TRIM14: variants seen among roughly 807,000 people sequenced by gnomAD.
The protein encoded by TRIM14 is tripartite motif-containing protein 14.
In TRIM14, 28 loss-of-function variants were observed where a neutral mutation model predicts 44.5. The ratio of observed to expected loss-of-function variants is 0.63; its 90% CI spans 0.47 to 0.86. The LOEUF is 0.86. TRIM14 is among the 40% of genes least tolerant of loss of function. The pLI, the probability that TRIM14 is intolerant of heterozygous loss-of-function variation, is 0.00. For missense variants in TRIM14, 607 were observed against 611.1 expected (o/e 0.99, Z 0.07); for synonymous variants, 299 against 269.2 (o/e 1.11, Z -1.08).
the TRIM14 span, among the ~76,000 whole-genome samples, chr9:98,049,621 G>A: frequency 6.6e-6 from 1 of 152,138 alleles, no homozygotes; most frequent in Non-Finnish European, 1.5e-5. Context: ...TATAATTAGT[G>A]TATAATGAAC....
the TRIM14 span, among the ~76,000 whole-genome samples, chr9:98,063,139 G>A: frequency 1.3e-5 from 2 of 151,762 alleles, no homozygotes; most frequent in Admixed American, 6.6e-5. Flanking sequence ...TGTTAGCCAG[G>A]CTGATCTCAA....
intron 6 of TRIM14, among the ~76,000 whole-genome samples, chr9:98,077,599 C>T (rs1034023433): frequency 6.6e-6 from 1 of 151,952 alleles, no homozygotes; most frequent in African/African-American, 2.4e-5. Flanking sequence ...ATTACTGTGG[C>T]CCCAGCTACT....
chr9:98,076,380 C>CTT (rs200078832), intron 6 of TRIM14: 65 of 146,302 alleles, frequency 4.4e-4, no homozygotes, highest in Middle Eastern at 3.5e-3. Context: ...TTTCCAGATT[C>CTT]TTTTTTTTTT....
downstream of TRIM14, among the ~76,000 whole-genome samples, chr9:98,083,623 G>A (rs1021974710): frequency 1.3e-4 from 20 of 152,238 alleles, no homozygotes; most frequent in African/African-American, 3.6e-4. Flanking sequence ...CAAATATTGA[G>A]GGCCATCTTT....
intron 2 of TRIM14, among the ~76,000 whole-genome samples, chr9:98,109,346 C>T (rs1381690101): frequency 2.0e-5 from 3 of 152,072 alleles, no homozygotes; most frequent in Non-Finnish European, 4.4e-5. Flanking sequence ...CCCCTGAGGC[C>T]CTAAAAACAC....
At chr9:98,043,595 C>T in the TRIM14 span, among the ~76,000 whole-genome samples, 1 of 151,340 alleles carries the variant, frequency 6.6e-6, no homozygotes, top group Middle Eastern at 3.2e-3. Context: ...GCCAGTTAAA[C>T]ATAAAATTAT....
At chr9:98,036,160 G>C in the TRIM14 span, among the ~76,000 whole-genome samples, 1 of 151,730 alleles carries the variant, frequency 6.6e-6, no homozygotes, top group South Asian at 2.1e-4. Context: ...TCGTGCCATT[G>C]CATTCCAGCC....
chr9:98,041,274 T>G, the TRIM14 span, among the ~76,000 whole-genome samples: 1 of 152,134 alleles, frequency 6.6e-6, no homozygotes, highest in Non-Finnish European at 1.5e-5. Flanking sequence ...AAAAAAAACT[T>G]AAGAACAACT....
At chr9:98,107,960 G>A (rs1471838899) in intron 2 of TRIM14, among the ~76,000 whole-genome samples, 2 of 152,114 alleles carry the variant, frequency 1.3e-5, no homozygotes, top group South Asian at 2.1e-4. Flanking sequence ...GAGCCACCTC[G>A]CTTGGCCTAG....
intron 6 of TRIM14, among the ~76,000 whole-genome samples, chr9:98,072,381 T>A (rs1182482292): frequency 1.3e-5 from 2 of 151,940 alleles, no homozygotes; most frequent in Admixed American, 1.3e-4. Context: ...GTCCCCTGCC[T>A]GACCTAGGGC....
chr9:98,091,665 G>A (rs1348535154), intron 5 of TRIM14, among the ~76,000 whole-genome samples: 3 of 152,020 alleles, frequency 2.0e-5, no homozygotes, highest in African/African-American at 7.3e-5. Context: ...AATAATAGCA[G>A]TTATTCACAG....
the TRIM14 span, among the ~76,000 whole-genome samples, chr9:98,057,922 G>GTTTTTT: frequency 2.3e-4 from 18 of 78,084 alleles, 2 homozygotes; most frequent in Admixed American, 7.8e-4. Flanking sequence ...TTTTTTCCTG[G>GTTTTTT]TTTTTTTTTT....
At chr9:98,109,833 T>C (rs1055025371) in intron 2 of TRIM14, 56 bp downstream of exon 2, 7 of 1,457,552 alleles carry the variant, frequency 4.8e-6, no homozygotes, top group Non-Finnish European at 6.7e-6. Flanking sequence ...GGGTCCCTTT[T>C]GTCTGGGGGG....
At chr9:98,047,851 G>A in the TRIM14 span, among the ~76,000 whole-genome samples, 29 of 151,990 alleles carry the variant, frequency 1.9e-4, no homozygotes, top group African/African-American at 5.1e-4. Context: ...TGGATCACAA[G>A]GTCAGGAGTT....
intron 2 of TRIM14, among the ~76,000 whole-genome samples, chr9:98,108,935 T>C (rs1826730818): frequency 6.8e-6 from 1 of 147,766 alleles, no homozygotes; most frequent in African/African-American, 2.6e-5. Flanking sequence ...TGGAGCACAG[T>C]GACGTGATCC....
Position 98,095,214 on chromosome 9 carries a change from G to A in TRIM14, c.538-185C>T, listed in dbSNP as rs1484340266. 6.6e-6 allele frequency among the ~76,000 whole-genome samples: 1 copy of A among 152,252 alleles called. No homozygotes were observed. Among genetic ancestry groups the A allele is most frequent in the African/African-American group, 2.4e-5 (1 of 41,474 alleles). ...TGGAGAGACCATACGGCATCCCTGA[G>A]GTGGGAGCCATGCGGAGGTGCGGTT... On this transcript the variant is annotated intron_variant, in intron 3 of 5. Transcript: ENST00000341469. This position sits in a 1 kb window ranked among gnomAD's most constrained non-coding sequence, Gnocchi z 4.1.
the TRIM14 span, among the ~76,000 whole-genome samples, chr9:98,035,946 C>T: frequency 7.6e-4 from 116 of 152,252 alleles, no homozygotes; most frequent in Non-Finnish European, 1.5e-3. Flanking sequence ...TGTGGTGGCT[C>T]ACGGCTGTAA....
chr9:98,116,022 T>C (rs1206957112), intron 1 of TRIM14: 2 of 150,646 alleles, frequency 1.3e-5, no homozygotes, highest in Non-Finnish European at 3.0e-5. Context: ...TTAACAAGAA[T>C]AAAATAAAAT....
At chr9:98,055,851 C>A in the TRIM14 span, among the ~76,000 whole-genome samples, 1 of 152,104 alleles carries the variant, frequency 6.6e-6, no homozygotes, top group Admixed American at 6.6e-5. Flanking sequence ...GATTCTCCTG[C>A]CTCAGCCTCT....
Sources: gnomAD v4.1 joint callset for allele counts (sites outside exome capture counted in the v4.1 genomes callset) on GRCh38, gnomAD v4.1.1 for gene constraint, Gnocchi (gnomAD v3.1) non-coding constraint, MANE v1.5 for transcripts, NCBI Gene and HGNC (gene_info 2026-07-23, HGNC 2026-07-21) for gene names.